KYNU: variants seen among roughly 807,000 people sequenced by gnomAD.
KYNU encodes the protein kynureninase.
In KYNU, 54 loss-of-function variants were observed where a neutral mutation model predicts 59.2. That is an observed-to-expected ratio of 0.91 (90% CI 0.73 to 1.14). The LOEUF is 1.14. Among genes scored for constraint, KYNU ranks in the 50% most tolerant of loss-of-function variants. The probability of loss-of-function intolerance (pLI) is 0.00; values close to 1 mark genes in which losing one functional copy is unlikely to be tolerated. For synonymous variants in KYNU, 177 were observed against 192.0 expected (o/e 0.92, Z 0.65); for missense variants, 567 against 554.4 (o/e 1.02, Z -0.23).
At chr2:142,972,459 G>A (rs1309221523) in intron 8 of KYNU, among the ~76,000 whole-genome samples, 1 of 152,126 alleles carries the variant, frequency 6.6e-6, no homozygotes, top group East Asian at 1.9e-4. Context: ...AAGCAGAGAT[G>A]AAACAGTGAA....
chr2:142,881,736 T>A (rs575608650), intron 1 of KYNU, among the ~76,000 whole-genome samples: 4 of 152,222 alleles, frequency 2.6e-5, no homozygotes, highest in African/African-American at 9.6e-5. Context: ...ATTTGAAACT[T>A]AATATATCCT....
intron 4 of KYNU, among the ~76,000 whole-genome samples, chr2:142,942,005 C>T (rs927239885): frequency 6.6e-6 from 1 of 151,870 alleles, no homozygotes; most frequent in Non-Finnish European, 1.5e-5. Context: ...TCCGCCTCTG[C>T]AAGAAATACA....
At chr2:142,980,242 A>G (rs1685013481) in intron 8 of KYNU, among the ~76,000 whole-genome samples, 1 of 146,652 alleles carries the variant, frequency 6.8e-6, no homozygotes, top group South Asian at 2.1e-4. Context: ...TAATGAGCTT[A>G]TAATGCTAAT....
At chr2:142,884,423 G>A (rs574408414) in intron 1 of KYNU, among the ~76,000 whole-genome samples, 18 of 152,282 alleles carry the variant, frequency 1.2e-4, no homozygotes, top group Admixed American at 1.1e-3. Flanking sequence ...CAGTGGAGTT[G>A]GGATATGGAG....
At chr2:142,956,486 T>C (rs1191750264) in intron 6 of KYNU, among the ~76,000 whole-genome samples, 1 of 152,176 alleles carries the variant, frequency 6.6e-6, no homozygotes, top group African/African-American at 2.4e-5. Context: ...GAAGATGGAA[T>C]AGGAACATTG....
intron 4 of KYNU, among the ~76,000 whole-genome samples, chr2:142,950,866 G>C (rs1234800196): frequency 2.6e-5 from 4 of 152,176 alleles, no homozygotes; most frequent in Admixed American, 2.6e-4. Context: ...TAAAGTGACA[G>C]GCATATGACA....
At chr2:143,006,461 T>C (rs9751704) in intron 10 of KYNU, among the ~76,000 whole-genome samples, 46,498 of 140,470 alleles carry the variant, frequency 0.33, 8,608 homozygotes, top group African/African-American at 0.5. Context: ...AACTGCAAGG[T>C]GGCAGCGAGG....
At chr2:143,031,473 C>T (rs552846319) in intron 11 of KYNU, among the ~76,000 whole-genome samples, 1 of 152,200 alleles carries the variant, frequency 6.6e-6, no homozygotes, top group African/African-American at 2.4e-5. Flanking sequence ...GCCTGTAATC[C>T]CAGCACTTTG....
intron 10 of KYNU, among the ~76,000 whole-genome samples, chr2:142,991,552 A>G (rs1400756970): frequency 6.6e-6 from 1 of 151,790 alleles, no homozygotes; most frequent in Middle Eastern, 3.2e-3. Context: ...TTCCAGCTAC[A>G]ACTTCTTGGC....
At chr2:142,895,495 G>A (rs1247467199) in intron 2 of KYNU, among the ~76,000 whole-genome samples, 1 of 152,126 alleles carries the variant, frequency 6.6e-6, no homozygotes, top group Non-Finnish European at 1.5e-5. Flanking sequence ...TCTACCCCAA[G>A]AATGGACTAC....
At chr2:143,011,173 G>A (rs1433053435) in intron 10 of KYNU, among the ~76,000 whole-genome samples, 1 of 144,122 alleles carries the variant, frequency 6.9e-6, no homozygotes, top group Non-Finnish European at 1.5e-5. Flanking sequence ...TCTGACAAAG[G>A]GCTAACATCC....
chr2:142,894,630 C>T (rs933198002), intron 2 of KYNU, among the ~76,000 whole-genome samples: 6 of 151,860 alleles, frequency 4.0e-5, no homozygotes, highest in African/African-American at 7.3e-5. Flanking sequence ...AGCCAGTATG[C>T]GAGTATCAAC....
chr2:143,006,462 G>A (rs1018797182), intron 10 of KYNU, among the ~76,000 whole-genome samples: 6 of 145,360 alleles, frequency 4.1e-5, no homozygotes, highest in African/African-American at 5.2e-5. Context: ...ACTGCAAGGT[G>A]GCAGCGAGGC....
At chr2:142,932,508 A>T (rs1683255844) in intron 4 of KYNU, among the ~76,000 whole-genome samples, 2 of 152,108 alleles carry the variant, frequency 1.3e-5, no homozygotes, top group South Asian at 4.1e-4. Flanking sequence ...TTTCTGCAGG[A>T]GCCTGATAGC....
At chr2:142,904,942 G>A (rs1682235187) in intron 2 of KYNU, among the ~76,000 whole-genome samples, 1 of 152,118 alleles carries the variant, frequency 6.6e-6, no homozygotes, top group Admixed American at 6.5e-5. Flanking sequence ...CATTGCCTTT[G>A]TGCTCAGGGG....
At chr2:142,900,549 A>G (rs1242044997) in intron 2 of KYNU, among the ~76,000 whole-genome samples, 2 of 152,126 alleles carry the variant, frequency 1.3e-5, no homozygotes, top group African/African-American at 4.8e-5. Flanking sequence ...CATTTTAGTG[A>G]ACTCTCTTTA....
chr2:142,955,343 T>G (rs1288652816), intron 5 of KYNU, among the ~76,000 whole-genome samples: 1 of 152,110 alleles, frequency 6.6e-6, no homozygotes, highest in Non-Finnish European at 1.5e-5. Context: ...TTAAAGTACT[T>G]CTTACATCTT....
At chr2:142,964,051 G>A (rs1441326795) in intron 8 of KYNU, among the ~76,000 whole-genome samples, 1 of 149,806 alleles carries the variant, frequency 6.7e-6, no homozygotes, top group African/African-American at 2.4e-5. Context: ...TTTTTTTTGT[G>A]TTTGGCTTAT....
Position 142,983,479 on chromosome 2 carries a change from A to G in KYNU, c.730-1605A>G, listed in dbSNP as rs530773582. 2.0e-5 allele frequency among the ~76,000 whole-genome samples: 3 copies of G among 152,242 alleles called. No individual in the cohort carries two copies. In the South Asian group the frequency reaches 6.2e-4, roughly 32 times the overall value. ...AAATAACATGGGCGCAAGAGAGGGCAGAGAAGCAGAACCATTGATAGAATT... is the reference window on the plus strand; with the variant it reads ...AAATAACATGGGCGCAAGAGAGGGCGGAGAAGCAGAACCATTGATAGAATT... On this transcript the variant is annotated intron_variant, in intron 8 of 13. Transcript: ENST00000264170.
Sources: allele counts gnomAD v4.1 joint callset (sites outside exome capture counted in the v4.1 genomes callset), GRCh38; gene constraint gnomAD v4.1.1; transcripts MANE v1.5; gene names NCBI Gene and HGNC (gene_info 2026-07-23, HGNC 2026-07-21).